The following SLAMF9 variants were observed in gnomAD, a reference collection of about 807,000 sequenced individuals.
SLAMF9 encodes SLAM family member 9.
Under a neutral mutation model 30.4 loss-of-function variants are expected in SLAMF9, and 25 were observed. That is an observed-to-expected ratio of 0.82 (90% CI 0.60 to 1.15). The LOEUF (loss-of-function observed/expected upper bound fraction) is 1.15, where lower values mean the gene tolerates loss of function less well. Ranked by LOEUF, SLAMF9 falls within the 50% of genes most tolerant of loss-of-function variation. The probability of loss-of-function intolerance (pLI) is 0.00; values close to 1 mark genes in which losing one functional copy is unlikely to be tolerated. For missense variants in SLAMF9, 344 were observed against 346.1 expected (o/e 0.99, Z 0.05); for synonymous variants, 129 against 127.2 (o/e 1.01, Z -0.09).
chr1:159,954,783 TAAGA>T (rs1651886872), upstream of SLAMF9, among the ~76,000 whole-genome samples: 2 of 152,128 alleles, frequency 1.3e-5, no homozygotes, highest in South Asian at 4.1e-4. Context: ...CAATCCTCTT[TAAGA>T]AAGCAGTTTG....
the SLAMF9 span, among the ~76,000 whole-genome samples, chr1:159,960,820 G>T: frequency 2.0e-5 from 3 of 152,242 alleles, no homozygotes; most frequent in East Asian, 1.9e-4. Context: ...ATGCAGGTTG[G>T]GGGGGTGCAG....
chr1:159,952,214 A>G (rs886863949), intron 3 of SLAMF9, 48 bp downstream of exon 3: 4 of 1,603,262 alleles, frequency 2.5e-6, no homozygotes, highest in Non-Finnish European at 3.4e-6. Flanking sequence ...TGGTGCCTCT[A>G]GGCACTATCT....
chr1:159,954,124 G>A lies in SLAMF9; in HGVS notation c.14C>T (p.Pro5Leu). 6.2e-7 allele frequency: 1 copy of A among 1,614,112 alleles called. No homozygotes were observed. Among genetic ancestry groups the A allele is most frequent in the Non-Finnish European group, 8.5e-7 (1 of 1,180,008 alleles). Residue 5 changes from proline (P) to leucine (L), a missense_variant, in exon 1 of 4, where the codon CCT becomes CTT. Physicochemically the swap from Pro to Leu is moderately conservative, Grantham distance 98 (BLOSUM62 -3). Transcript: ENST00000368093. MCAFPWLLLLLLLQE... is the reference protein window; with the variant it reads MCAFLWLLLLLLLQE... ...GAGCAGCAGGAGAAGAAGCAGCCAA[G>A]GAAAGGCACACATGTCAGCAGCCCC...
Position 159,953,547 on chromosome 1 carries a change from C to T in SLAMF9, c.153G>A (p.Glu51=). ...TTTTGTGAGAGGACCAGATGATGTT[C>T]TCAACCTCTTCATCTGGTGGTATTT... is the stretch of plus-strand genomic sequence containing the variant. The part of the protein sequence containing the change: ...PLEIPPDEEV[E]NIIWSSHKSL... Residue 51 remains glutamate, a synonymous_variant, in exon 2 of 4, where the codon GAG becomes GAA. Coordinates refer to ENST00000368093, the MANE Select transcript of SLAMF9 (RefSeq NM_033438.4). The T allele has an allele frequency of 1.9e-6, 3 of 1,614,238 alleles. No individual in the cohort carries two copies. Among genetic ancestry groups the T allele is most frequent in the Non-Finnish European group, 2.5e-6 (3 of 1,180,038 alleles).
At chr1:159,970,048 A>G in the SLAMF9 span, among the ~76,000 whole-genome samples, 1 of 152,146 alleles carries the variant, frequency 6.6e-6, no homozygotes, top group Non-Finnish European at 1.5e-5. Flanking sequence ...TGACAGAGCA[A>G]GACACTTCTC....
chr1:159,959,655 C>T, the SLAMF9 span, among the ~76,000 whole-genome samples: 1 of 152,166 alleles, frequency 6.6e-6, no homozygotes, highest in Non-Finnish European at 1.5e-5. Context: ...AAGCCCTCCC[C>T]TTGAAGTCTT....
the SLAMF9 span, chr1:159,976,765 G>C: frequency 6.6e-6 from 1 of 151,810 alleles, no homozygotes; most frequent in African/African-American, 2.4e-5. Flanking sequence ...GAGGTAAAGA[G>C]TAGAAGACAG....
upstream of SLAMF9, among the ~76,000 whole-genome samples, chr1:159,957,876 C>T (rs577794664): frequency 5.8e-5 from 2 of 34,638 alleles, no homozygotes; most frequent in African/African-American, 1.2e-4. Context: ...GGTGAGAATA[C>T]CGTTAGATTA....
chr1:159,951,881 A>G lies in SLAMF9; in HGVS notation c.665-15T>C. 6.2e-7 allele frequency: 1 copy of G among 1,612,358 alleles called. No individual in the cohort carries two copies. The highest frequency in any genetic ancestry group is 8.5e-7 in the Non-Finnish European group (1 of 1,178,604). ...ATAGTTAGGATCTGGGGTGGAAGAA[A>G]GGAGGAAAGGGCCCATCAGTGGTAG... is the stretch of plus-strand genomic sequence containing the variant. On this transcript the variant is annotated splice_polypyrimidine_tract_variant and intron_variant, in intron 3 of 3. Coordinates refer to ENST00000368093, the MANE Select transcript of SLAMF9 (RefSeq NM_033438.4).
At chr1:159,952,597 C>T (rs1204287033) in intron 2 of SLAMF9, 63 bp from the exon 3 acceptor site, 3 of 1,557,502 alleles carry the variant, frequency 1.9e-6, no homozygotes, top group Non-Finnish European at 2.6e-6. Context: ...TTTTCCTAAG[C>T]TCCTCAAACC....
the SLAMF9 span, chr1:159,973,072 G>T: frequency 6.8e-7 from 1 of 1,479,126 alleles, no homozygotes; most frequent in Non-Finnish European, 9.0e-7. Flanking sequence ...CACCAGTAAA[G>T]CCCAGAGTCT....
the SLAMF9 span, among the ~76,000 whole-genome samples, chr1:159,981,380 C>G: frequency 6.6e-6 from 1 of 152,182 alleles, no homozygotes; most frequent in Non-Finnish European, 1.5e-5. Flanking sequence ...TTTAAGCCAC[C>G]TGGTCTGTGC....
At chr1:159,957,601 C>T (rs973853057), upstream of SLAMF9, among the ~76,000 whole-genome samples, 8 of 151,704 alleles carry the variant, frequency 5.3e-5, no homozygotes, top group East Asian at 5.8e-4. Context: ...CCCAGCCTGG[C>T]GACAGAGCGA....
chr1:159,971,923 AC>A, the SLAMF9 span, among the ~76,000 whole-genome samples: 2 of 151,862 alleles, frequency 1.3e-5, no homozygotes, highest in Non-Finnish European at 2.9e-5. Context: ...TTGTCCCCTT[AC>A]CCCCGCCACC....
At chr1:159,974,235 A>G in the SLAMF9 span, among the ~76,000 whole-genome samples, 1 of 151,974 alleles carries the variant, frequency 6.6e-6, no homozygotes, top group African/African-American at 2.4e-5. Context: ...CAGGACCTGG[A>G]CTTCCTTTTA....
chr1:159,952,672 A>C, intron 2 of SLAMF9, 138 bp from the exon 3 acceptor site: 2 of 863,040 alleles, frequency 2.3e-6, no homozygotes, highest in Non-Finnish European at 3.5e-6. Flanking sequence ...AAAGCAAACA[A>C]ACCCAACCAC....
At chr1:159,960,534 C>T in the SLAMF9 span, among the ~76,000 whole-genome samples, 1 of 150,128 alleles carries the variant, frequency 6.7e-6, no homozygotes, top group Non-Finnish European at 1.5e-5. Context: ...GGTACCATCT[C>T]GGCTAACTGC....
the SLAMF9 span, among the ~76,000 whole-genome samples, chr1:159,960,121 C>T: frequency 2.0e-5 from 3 of 150,946 alleles, no homozygotes; most frequent in East Asian, 2.0e-4. Context: ...CCCATTAACT[C>T]GTCATTTAGC....
At chr1:159,964,130 C>CA in the SLAMF9 span, among the ~76,000 whole-genome samples, 2 of 152,180 alleles carry the variant, frequency 1.3e-5, no homozygotes, top group South Asian at 4.1e-4. Flanking sequence ...TGGGAGAAAG[C>CA]AGAGTGTGGC....
Sources: gnomAD v4.1 joint callset for allele counts (sites outside exome capture counted in the v4.1 genomes callset) on GRCh38, gnomAD v4.1.1 for gene constraint, MANE v1.5 for transcripts, NCBI Gene and HGNC (gene_info 2026-07-23, HGNC 2026-07-21) for gene names.